Variants in TXNRD2 observed in about 807,000 individuals in gnomAD.
TXNRD2 encodes thioredoxin reductase 2.
In TXNRD2, 67 loss-of-function variants were observed where a neutral mutation model predicts 70.8. The observed-to-expected ratio is 0.95, with a 90% CI of 0.78 to 1.16. The LOEUF is 1.16. Among genes scored for constraint, TXNRD2 ranks in the 50% most tolerant of loss-of-function variants. TXNRD2 has a pLI of 0.00. For synonymous variants in TXNRD2, 301 were observed against 295.8 expected (o/e 1.02, Z -0.18); for missense variants, 644 against 719.9 (o/e 0.89, Z 1.21).
At chr22:19,925,884 G>C (rs1941119702) in intron 2 of TXNRD2, among the ~76,000 whole-genome samples, 1 of 152,112 alleles carries the variant, frequency 6.6e-6, no homozygotes, top group Admixed American at 6.6e-5. Context: ...AGAAAGTGCA[G>C]GGCCGGGCAT....
At chr22:19,920,903 A>C (rs138564052) in intron 2 of TXNRD2, among the ~76,000 whole-genome samples, 2,262 of 152,216 alleles carry the variant, frequency 0.015, 77 homozygotes, top group East Asian at 0.096. Flanking sequence ...GAGATCGAGA[A>C]CATCCTGGCT....
intron 2 of TXNRD2, among the ~76,000 whole-genome samples, chr22:19,928,487 G>C (rs1285421865): frequency 6.6e-6 from 1 of 152,204 alleles, no homozygotes; most frequent in Admixed American, 6.5e-5. Context: ...ACATACAGCA[G>C]CATTCCGTTT....
chr22:19,933,438 C>T (rs1941437343), intron 1 of TXNRD2: 5 of 1,289,734 alleles, frequency 3.9e-6, no homozygotes, highest in Non-Finnish European at 5.1e-6. Flanking sequence ...CCCTACCTTC[C>T]ATGGCAGGTG....
In TXNRD2 at chr22:19,920,962, T is replaced by C. The variant is rs536039262; in HGVS notation, c.173-1363A>G. 1.5e-4 allele frequency among the ~76,000 whole-genome samples: 22 copies of C among 151,384 alleles called. 1 individual carries two copies. The highest frequency in any genetic ancestry group is 8.3e-4 in the South Asian group (4 of 4,802). Reference sequence around the variant, plus strand: ...CTAAAAAATACAAAAACAAAATTAGTTGGGCGTGGTGGCAGGTGCCTATAG... The same window carrying C: ...CTAAAAAATACAAAAACAAAATTAGCTGGGCGTGGTGGCAGGTGCCTATAG... On this transcript the variant is annotated intron_variant, in intron 2 of 17. Transcript: ENST00000400521.
At position 19,895,390 on chromosome 22, in the gene TXNRD2, G is replaced by C. The variant is rs1601409723; in HGVS notation, c.949+17C>G. On this transcript the variant is annotated intron_variant, in intron 11 of 17. Transcript: ENST00000400521. ...GGGGAGACCAGAGACAGAGCGTGTG[G>C]CTCGACGTGCCCTTACCTATGGCCC... 1 of 1,613,722 alleles carries C rather than the reference G, an allele frequency of 6.2e-7. No individual in the cohort carries two copies. The highest frequency in any genetic ancestry group is 1.7e-4 in the Middle Eastern group (1 of 6,058).
intron 2 of TXNRD2, among the ~76,000 whole-genome samples, chr22:19,921,678 T>C (rs1940922269): frequency 6.6e-6 from 1 of 151,996 alleles, no homozygotes; most frequent in African/African-American, 2.4e-5. Flanking sequence ...AGGAGAGGGC[T>C]GAGAACTGGG....
chr22:19,911,465 A>G lies in TXNRD2; in HGVS notation c.592-18T>C. On this transcript the variant is annotated intron_variant, in intron 7 of 17. Coordinates refer to ENST00000400521, the MANE Select transcript of TXNRD2 (RefSeq NM_006440.5). Reference sequence around the variant, plus strand: ...CCTTCGATCTGTCAAGACAGAAATGACCCCTTGGACAAGAGCTCCATTTGG... The same window carrying G: ...CCTTCGATCTGTCAAGACAGAAATGGCCCCTTGGACAAGAGCTCCATTTGG... The G allele has an allele frequency of 6.2e-7, 1 of 1,606,510 alleles. No homozygotes were observed. The highest frequency in any genetic ancestry group is 8.5e-7 in the Non-Finnish European group (1 of 1,173,392).
Position 19,931,037 on chromosome 22 carries a change from G to A in TXNRD2, c.165C>T (p.Ala55=), listed in dbSNP as rs966574737. 11 of 1,613,652 alleles carry A rather than the reference G, an allele frequency of 6.8e-6. No individual in the cohort carries two copies. The highest frequency in any genetic ancestry group is 4.5e-5 in the East Asian group (2 of 44,896). The change falls in exon 2 of 18, where the codon GCC becomes GCT. Residue 55 remains alanine, a synonymous_variant. Coordinates refer to ENST00000400521, the MANE Select transcript of TXNRD2 (RefSeq NM_006440.5). ...AGTATACAGAATACATACCCTCCTTGGCACAAGCCAGGCCACCAGATCCCC... is the reference window on the plus strand; with the variant it reads ...AGTATACAGAATACATACCCTCCTTAGCACAAGCCAGGCCACCAGATCCCC... The part of the protein sequence containing the change: ...VGGGSGGLAC[A]KEAAQLGRKV...
At chr22:19,911,246 G>C in intron 8 of TXNRD2, 131 bp downstream of exon 8, 1 of 772,500 alleles carries the variant, frequency 1.3e-6, no homozygotes, top group Non-Finnish European at 2.3e-6. Context: ...ACAAATAACA[G>C]GCCTTTTTTC....
At chr22:19,925,084 A>G (rs1025596574) in intron 2 of TXNRD2, among the ~76,000 whole-genome samples, 3 of 151,932 alleles carry the variant, frequency 2.0e-5, no homozygotes, top group African/African-American at 4.8e-5. Flanking sequence ...GGAGATCGAG[A>G]CCATCCTGGC....
rs1464537172 is a variant in TXNRD2, at chr22:19,928,813, C to T, written c.172+2217G>A. ...CTTGAGGCCAGAAGTTCGAGACCAG[C>T]TTGACAAACATGGTGAAACCCCGTC... On this transcript the variant is annotated intron_variant, in intron 2 of 17. Transcript: ENST00000400521. Among the ~76,000 whole-genome samples, 5 of 151,796 alleles carry T rather than the reference C, an allele frequency of 3.3e-5. No individual in the cohort carries two copies. The South Asian group carries it at 8.3e-4, about 25-fold the overall frequency.
rs190276888 is a variant in TXNRD2, at chr22:19,933,922, C to T, written c.104-2824G>A. 7.2e-5 allele frequency among the ~76,000 whole-genome samples: 11 copies of T among 152,370 alleles called. No homozygotes were observed. The East Asian group carries it at 2.1e-3, about 29-fold the overall frequency. On this transcript the variant is annotated intron_variant, in intron 1 of 17. Transcript: ENST00000400521. ...TGTCTGTCTTGCCTCTGCCTTCTGA[C>T]ATATTGTCCATTAATTTTCTGCTCC... is the stretch of plus-strand genomic sequence containing the variant.
intron 2 of TXNRD2, among the ~76,000 whole-genome samples, chr22:19,923,230 T>TTTAAAACTA (rs1212942523): frequency 6.6e-6 from 1 of 152,086 alleles, no homozygotes; most frequent in Admixed American, 6.5e-5. Flanking sequence ...CTCTTTAAAA[T>TTTAAAACTA]TTAAAACTAT....
chr22:19,921,193 T>C (rs556965648), intron 2 of TXNRD2, among the ~76,000 whole-genome samples: 66 of 150,980 alleles, frequency 4.4e-4, no homozygotes, highest in African/African-American at 1.5e-3. Flanking sequence ...AGCAGGCAGA[T>C]TGCTTGAGCC....
chr22:19,923,844 CTTTT>C (rs34120716), intron 2 of TXNRD2, among the ~76,000 whole-genome samples: 13 of 78,104 alleles, frequency 1.7e-4, no homozygotes, highest in Non-Finnish European at 2.5e-4. Context: ...ACCCCTGAGG[CTTTT>C]TTTTTTTTTT....
intron 2 of TXNRD2, among the ~76,000 whole-genome samples, chr22:19,925,113 T>C (rs1298914792): frequency 2.6e-5 from 4 of 151,336 alleles, no homozygotes; most frequent in African/African-American, 9.8e-5. Flanking sequence ...CGAAGCCCCG[T>C]TTCTACTAAA....
At chr22:19,879,472 T>A (rs993917905) in intron 14 of TXNRD2, among the ~76,000 whole-genome samples, 2 of 144,702 alleles carry the variant, frequency 1.4e-5, no homozygotes, top group African/African-American at 2.6e-5. Context: ...GCTTGCTCGA[T>A]GAAAACCCCT....
At chr22:19,930,953 G>A (rs555841602) in intron 2 of TXNRD2, 77 bp downstream of exon 2, 12 of 1,403,850 alleles carry the variant, frequency 8.5e-6, no homozygotes, top group East Asian at 4.6e-5. Flanking sequence ...GCTCATGGAC[G>A]TTTTCTGGAC....
At chr22:19,885,828 C>T (rs1939004902) in intron 11 of TXNRD2, among the ~76,000 whole-genome samples, 1 of 152,240 alleles carries the variant, frequency 6.6e-6, no homozygotes, top group African/African-American at 2.4e-5. Flanking sequence ...GGCACTATGG[C>T]AACTACAGAC....
Sources: allele counts gnomAD v4.1 joint callset (sites outside exome capture counted in the v4.1 genomes callset), GRCh38; gene constraint gnomAD v4.1.1; transcripts MANE v1.5; gene names NCBI Gene and HGNC (gene_info 2026-07-23, HGNC 2026-07-21).